FBXO9: variants seen among roughly 807,000 people sequenced by gnomAD.
FBXO9 encodes the protein F-box only protein 9.
FBXO9 carries 43 observed loss-of-function variants against 63.7 expected under a neutral mutation model. The ratio of observed to expected loss-of-function variants is 0.67; its 90% confidence interval spans 0.53 to 0.87. FBXO9 has a LOEUF of 0.87. FBXO9 is among the 40% of genes least tolerant of loss of function. The pLI is 0.00. For synonymous variants in FBXO9, 156 were observed against 171.7 expected, an observed-to-expected ratio of 0.91 and a Z score of 0.72; for missense variants, 442 against 533.2, an observed-to-expected ratio of 0.83 and a Z score of 1.68.
chr6:53,065,347 G>C (rs1158877827), upstream of FBXO9: 1 of 162,648 alleles, frequency 6.1e-6, no homozygotes, highest in Non-Finnish European at 1.3e-5. Flanking sequence ...CCCTCCACTA[G>C]GCAGCCCGCG....
At chr6:53,071,588 T>G (rs751692871) in intron 2 of FBXO9, among the ~76,000 whole-genome samples, 9 of 152,230 alleles carry the variant, frequency 5.9e-5, no homozygotes, top group Non-Finnish European at 8.8e-5. Context: ...ATGAGTGGAC[T>G]GTTAATGGCA....
Position 53,076,494 on chromosome 6 carries a change from A to G in FBXO9, c.258A>G (p.Glu86=). ...QEQAKEEKAR[E]LFLKAVEEEQ... ...ACTTTATATTTTTATAGGCTCGAGA[A>G]CTCTTCCTAAAAGCAGTAGAAGAAG... The change falls in exon 4 of 13, where the codon GAA becomes GAG. Residue 86 remains glutamate, a synonymous_variant. Coordinates refer to ENST00000323557, the MANE Select transcript of FBXO9 (RefSeq NM_033480.3). 6.5e-7 allele frequency: 1 copy of G among 1,544,982 alleles called. No homozygotes were observed. The highest frequency in any genetic ancestry group is 8.7e-7 in the Non-Finnish European group (1 of 1,155,452).
intron 7 of FBXO9, among the ~76,000 whole-genome samples, chr6:53,086,073 C>T (rs1443677813): frequency 6.6e-6 from 1 of 152,164 alleles, no homozygotes; most frequent in African/African-American, 2.4e-5. Flanking sequence ...CGCTTGAACC[C>T]GGTAGGCGGA....
rs1220271220 is a variant in FBXO9, at chr6:53,081,086, A to AT, written c.528dup (p.His177SerfsTer20). The AT allele has an allele frequency of 1.2e-6, 2 of 1,611,214 alleles. No homozygotes were observed. Among genetic ancestry groups the AT allele is most frequent in the Non-Finnish European group, 1.7e-6 (2 of 1,179,750 alleles). On this transcript the variant is annotated frameshift_variant, in exon 6 of 13. Transcript: ENST00000323557. LOFTEE classifies it high-confidence loss of function. ...TCAGCCTGAGCTTGAGAGCAGTCAGATTCACATATCAGGTGTGAATACTTG... is the reference window on the plus strand; with the variant it reads ...TCAGCCTGAGCTTGAGAGCAGTCAGATTTCACATATCAGGTGTGAATACTTG...
intron 7 of FBXO9, among the ~76,000 whole-genome samples, chr6:53,082,916 T>C (rs9474383): frequency 0.024 from 3,610 of 152,334 alleles, 146 homozygotes; most frequent in African/African-American, 0.082. Context: ...TAGAAAAATA[T>C]ATTCAAGTCA....
At chr6:53,085,775 T>G (rs1267653305) in intron 7 of FBXO9, among the ~76,000 whole-genome samples, 1 of 152,106 alleles carries the variant, frequency 6.6e-6, no homozygotes, top group African/African-American at 2.4e-5. Context: ...CCCATACAGT[T>G]TACCAAGTGA....
chr6:53,091,276 C>T (rs1164252971), intron 7 of FBXO9: 1 of 152,188 alleles, frequency 6.6e-6, no homozygotes, highest in African/African-American at 2.4e-5. Context: ...GAAAAACAAA[C>T]CCTGAATATT....
At chr6:53,066,521 G>A (rs1220108602) in intron 1 of FBXO9, among the ~76,000 whole-genome samples, 1 of 152,240 alleles carries the variant, frequency 6.6e-6, no homozygotes, top group African/African-American at 2.4e-5. Flanking sequence ...ATCTCTGGCT[G>A]GGGCTTAAAG....
intron 5 of FBXO9, among the ~76,000 whole-genome samples, chr6:53,079,388 ATT>A (rs1769232709): frequency 1.3e-5 from 2 of 151,122 alleles, no homozygotes; most frequent in African/African-American, 4.9e-5. Flanking sequence ...AAAAGATGTT[ATT>A]ATTCTCTTAA....
rs1562078414 is a variant in FBXO9, at chr6:53,098,724, A to C, written c.*894A>C. ...GAATCCCTTAGGACTGGAACACTTC[A>C]AGCTCAACCAACTGACTCAGTTGTC... On this transcript the variant is annotated 3_prime_UTR_variant, in exon 13 of 13. Transcript: ENST00000323557. The C allele has an allele frequency of 1.3e-5, 2 of 152,250 alleles. No homozygotes were observed. The highest frequency in any genetic ancestry group is 1.3e-4 in the Admixed American group (2 of 15,278). 9.4% of individuals were successfully genotyped at this position (152,250 alleles called of 1,614,324 possible).
intron 10 of FBXO9, 101 bp from the exon 11 acceptor site, chr6:53,093,784 C>A: frequency 1.0e-6 from 1 of 1,000,240 alleles, no homozygotes; most frequent in Non-Finnish European, 1.5e-6. Flanking sequence ...CTAGCTGATT[C>A]TTTTCAAGCA....
intron 3 of FBXO9, among the ~76,000 whole-genome samples, chr6:53,075,187 G>A (rs1241592220): frequency 6.6e-6 from 1 of 151,724 alleles, no homozygotes; most frequent in African/African-American, 2.4e-5. Flanking sequence ...CCAGGCTGGA[G>A]TGCAGTGGTG....
chr6:53,075,162 GTC>G (rs1453465826), intron 3 of FBXO9, among the ~76,000 whole-genome samples: 15 of 151,670 alleles, frequency 9.9e-5, no homozygotes, highest in Non-Finnish European at 1.3e-4. Flanking sequence ...TTAAGACAGA[GTC>G]TCACTTTGTC....
chr6:53,083,835 T>G (rs565859518), intron 7 of FBXO9, among the ~76,000 whole-genome samples: 1 of 152,364 alleles, frequency 6.6e-6, no homozygotes, highest in East Asian at 1.9e-4. Context: ...TATCTTTCTC[T>G]GATCAGTCAT....
chr6:53,079,132 AAAC>A (rs1769223727), intron 5 of FBXO9, among the ~76,000 whole-genome samples: 1 of 152,248 alleles, frequency 6.6e-6, no homozygotes, highest in Non-Finnish European at 1.5e-5. Context: ...AGATACAAAA[AAAC>A]GGTTTAAAAA....
chr6:53,087,149 C>T (rs1266087220), intron 7 of FBXO9, among the ~76,000 whole-genome samples: 1 of 151,858 alleles, frequency 6.6e-6, no homozygotes, highest in African/African-American at 2.4e-5. Context: ...CGAGACCAGC[C>T]TGAGCAACAT....
chr6:53,066,159 TCA>T lies in FBXO9; in HGVS notation c.3+370_3+371del, dbSNP rs1170106796. On this transcript the variant is annotated intron_variant, in intron 1 of 12. Coordinates refer to ENST00000323557, the MANE Select transcript of FBXO9 (RefSeq NM_033480.3). ...ATTGAGCATAGATTGAGGTAAGCTG[TCA>T]CAGCGCCTGAATTCGGGAGGGAGCT... The T allele has an allele frequency of 6.7e-6, 7 of 1,051,890 alleles. No homozygotes were observed. The South Asian group carries it at 3.2e-4, about 48-fold the overall frequency. 65.2% of individuals were successfully genotyped at this position (1,051,890 alleles called of 1,614,324 possible).
At chr6:53,087,719 G>C (rs1035651460) in intron 7 of FBXO9, among the ~76,000 whole-genome samples, 1 of 152,306 alleles carries the variant, frequency 6.6e-6, no homozygotes, top group African/African-American at 2.4e-5. Flanking sequence ...TTTGCAGATG[G>C]CTGTTCAACA....
At chr6:53,074,829 G>A (rs1423165634) in intron 3 of FBXO9, among the ~76,000 whole-genome samples, 2 of 152,188 alleles carry the variant, frequency 1.3e-5, no homozygotes, top group East Asian at 1.9e-4. Flanking sequence ...TGCATGGTAT[G>A]GATGTACCCC....
Sources: gnomAD v4.1 joint callset for allele counts (sites outside exome capture counted in the v4.1 genomes callset) on GRCh38, gnomAD v4.1.1 for gene constraint, MANE v1.5 for transcripts, NCBI Gene and HGNC (gene_info 2026-07-23, HGNC 2026-07-21) for gene names.